Variants in TMED9 observed in about 807,000 individuals in gnomAD.
TMED9 encodes transmembrane p24 trafficking protein 9.
TMED9 carries 22 observed loss-of-function variants against 30.6 expected under a neutral mutation model. The ratio of observed to expected loss-of-function variants is 0.72; its 90% CI spans 0.51 to 1.03. TMED9 has a LOEUF of 1.03. Ranked by LOEUF, TMED9 falls within the 50% of genes least tolerant of loss-of-function variation. TMED9 has a pLI of 0.00. For missense variants in TMED9, 251 were observed against 302.1 expected, an observed-to-expected ratio of 0.83 and a Z score of 1.25; for synonymous variants, 146 against 122.8, an observed-to-expected ratio of 1.19 and a Z score of -1.25.
Position 177,595,590 on chromosome 5 carries a change from T to C in TMED9, c.*174T>C. On this transcript the variant is annotated 3_prime_UTR_variant, in exon 5 of 5. Transcript: ENST00000332598. Reference sequence around the variant, plus strand: ...AGCAGCTTGGCTAATACTGAGCAGGTAGTGGGGCAAATTCCTGCCCTCTCT... The same window carrying C: ...AGCAGCTTGGCTAATACTGAGCAGGCAGTGGGGCAAATTCCTGCCCTCTCT... 4.4e-6 allele frequency: 3 copies of C among 676,256 alleles called. No individual in the cohort carries two copies. The highest frequency in any genetic ancestry group is 6.9e-6 in the Non-Finnish European group (3 of 431,828). The allele number at this position is 676,256 out of a possible 1,614,324, so 41.9% of individuals were successfully genotyped here.
At chr5:177,592,880 G>C (rs1767616868) in intron 2 of TMED9, among the ~76,000 whole-genome samples, 1 of 152,148 alleles carries the variant, frequency 6.6e-6, no homozygotes, top group African/African-American at 2.4e-5. Flanking sequence ...AACTCTTAAA[G>C]TCATCTAGAC....
intron 4 of TMED9, 138 bp from the exon 5 acceptor site, chr5:177,595,129 C>A: frequency 1.1e-6 from 1 of 882,280 alleles, no homozygotes; most frequent in Non-Finnish European, 1.7e-6. Context: ...TAAAGATAGT[C>A]CCCAGGTAGA....
At chr5:177,593,576 A>G in intron 2 of TMED9, 74 bp from the exon 3 acceptor site, 1 of 1,585,102 alleles carries the variant, frequency 6.3e-7, no homozygotes, top group Non-Finnish European at 8.6e-7. Context: ...TGCAGTACTT[A>G]GAGCCTTAAG....
At position 177,596,735 on chromosome 5, in the gene TMED9, T is replaced by A. The variant is rs1767697300; in HGVS notation, c.*1319T>A. Among the ~76,000 whole-genome samples the A allele has an allele frequency of 6.6e-6, 1 of 152,152 alleles. No homozygotes were observed. Among genetic ancestry groups the A allele is most frequent in the African/African-American group, 2.4e-5 (1 of 41,448 alleles). On this transcript the variant is annotated 3_prime_UTR_variant, in exon 5 of 5. Transcript: ENST00000332598. ...GACATGCCCACCTTTCAAGAGGGGC[T>A]GCAGGCACCCACAGGCACAAGCTGA...
intron 3 of TMED9, 182 bp downstream of exon 3, chr5:177,593,957 C>T: frequency 8.4e-7 from 1 of 1,183,588 alleles, no homozygotes; most frequent in Admixed American, 2.3e-5. Flanking sequence ...TCACTCAGAG[C>T]ACCAGCCCAG....
chr5:177,592,401 G>A lies in TMED9; in HGVS notation c.184+3G>A, dbSNP rs779130560. The A allele has an allele frequency of 1.5e-5, 24 of 1,593,014 alleles. No individual in the cohort carries two copies. In the Admixed American group the frequency reaches 3.5e-4, roughly 24 times the overall value. On this transcript the variant is annotated splice_donor_region_variant and intron_variant, in intron 1 of 4. Transcript: ENST00000332598. ...CCCGGACGAGACCATGGTCATAGGT[G>A]CGGGGGCGGGGAGGAAGGGGCGAGT...
chr5:177,592,713 A>G, intron 2 of TMED9, 38 bp downstream of exon 2: 1 of 1,485,490 alleles, frequency 6.7e-7, no homozygotes, highest in Non-Finnish European at 9.3e-7. Flanking sequence ...CCAGCCTCTC[A>G]GCTAGGCGGG....
chr5:177,592,537 G>A (rs1767607429), intron 1 of TMED9, 38 bp from the exon 2 acceptor site: 3 of 1,589,462 alleles, frequency 1.9e-6, no homozygotes, highest in Non-Finnish European at 2.6e-6. Flanking sequence ...ATGCCACCTC[G>A]CGCTCCTCTG....
chr5:177,593,576 A>C, intron 2 of TMED9, 74 bp from the exon 3 acceptor site: 9 of 1,585,074 alleles, frequency 5.7e-6, no homozygotes, highest in African/African-American at 1.3e-5. Context: ...TGCAGTACTT[A>C]GAGCCTTAAG....
chr5:177,592,211 C>G lies in TMED9; in HGVS notation c.-4C>G. On this transcript the variant is annotated 5_prime_UTR_variant, in exon 1 of 5. Coordinates refer to ENST00000332598, the MANE Select transcript of TMED9 (RefSeq NM_017510.6). Reference sequence around the variant, plus strand: ...GCTGCGGCTGCGCAGGCAGGTGGAGCAAGATGGCTGTGGAGCTGGGCGTGC... The same window carrying G: ...GCTGCGGCTGCGCAGGCAGGTGGAGGAAGATGGCTGTGGAGCTGGGCGTGC... 1.3e-6 allele frequency: 2 copies of G among 1,594,540 alleles called. No individual in the cohort carries two copies. The highest frequency in any genetic ancestry group is 2.2e-5 in the South Asian group (2 of 88,962).
Position 177,592,691 on chromosome 5 carries a change from C to T in TMED9, c.285+16C>T, listed in dbSNP as rs571617537. The T allele has an allele frequency of 1.2e-5, 18 of 1,555,002 alleles. No homozygotes were observed. The highest frequency in any genetic ancestry group is 2.7e-5 in the African/African-American group (2 of 73,498). On this transcript the variant is annotated intron_variant, in intron 2 of 4. Coordinates refer to ENST00000332598, the MANE Select transcript of TMED9 (RefSeq NM_017510.6). ...AGAGGACAAGGTGAGCCAACCGCCC[C>T]CCTCCTCTCCGCCAGCCTCTCAGCT...
intron 2 of TMED9, 28 bp from the exon 3 acceptor site, chr5:177,593,612 TACCATAATAC>T (rs1767632415): frequency 6.2e-7 from 1 of 1,612,674 alleles, no homozygotes; most frequent in Non-Finnish European, 8.5e-7. Flanking sequence ...TTCCCATCCC[TACCATAATAC>T]TGACTGAAGC....
chr5:177,593,405 C>A, intron 2 of TMED9: 4 of 469,188 alleles, frequency 8.5e-6, no homozygotes, highest in Non-Finnish European at 1.5e-5. Context: ...TAAAGGAAAG[C>A]CCTTCCCAAG....
At position 177,592,292 on chromosome 5, in the gene TMED9, G is replaced by A. The variant is rs781771660; in HGVS notation, c.78G>A (p.Leu26=). The A allele has an allele frequency of 1.9e-6, 3 of 1,611,834 alleles. No individual in the cohort carries two copies. The highest frequency in any genetic ancestry group is 3.3e-5 in the Admixed American group (2 of 59,768). The change falls in exon 1 of 5, where the codon CTG becomes CTA. Residue 26 remains leucine, a synonymous_variant. Transcript: ENST00000332598. ...TGGGTAGAGTGATGCGGACCCTCCT[G>A]CTGGTGCTGTGGCTGGCGACGCGCG... ...TGLGRVMRTL[L]LVLWLATRGS...
Position 177,597,126 on chromosome 5 carries a change from T to C in TMED9, c.*1710T>C, listed in dbSNP as rs1398381485. On this transcript the variant is annotated 3_prime_UTR_variant, in exon 5 of 5. Transcript: ENST00000332598. ...TTCTTCCACATGAAAAAAAAAAGTT[T>C]TTTGGCGGGCACGGTGGTTCACACC... 6.6e-6 allele frequency among the ~76,000 whole-genome samples: 1 copy of C among 151,962 alleles called. No individual in the cohort carries two copies. Among genetic ancestry groups the C allele is most frequent in the Non-Finnish European group, 1.5e-5 (1 of 67,970 alleles).
Position 177,592,394 on chromosome 5 carries a change from C to A in TMED9, c.180C>A (p.Val60=). The A allele has an allele frequency of 6.3e-7, 1 of 1,597,688 alleles. No individual in the cohort carries two copies. The highest frequency in any genetic ancestry group is 1.1e-5 in the South Asian group (1 of 88,644). The change falls in exon 1 of 5, where the codon GTC becomes GTA. Residue 60 remains valine, a synonymous_variant. Coordinates refer to ENST00000332598, the MANE Select transcript of TMED9 (RefSeq NM_017510.6). ...FIEEIPDETM[V]IGNYRTQLYD... is the part of the protein sequence containing the mutation. ...AGGAGATCCCGGACGAGACCATGGTCATAGGTGCGGGGGCGGGGAGGAAGG... is the reference window on the plus strand; with the variant it reads ...AGGAGATCCCGGACGAGACCATGGTAATAGGTGCGGGGGCGGGGAGGAAGG...
chr5:177,596,745 C>T lies in TMED9; in HGVS notation c.*1329C>T, dbSNP rs1220118028. ...CCTTTCAAGAGGGGCTGCAGGCACCCACAGGCACAAGCTGAAGGCAGCAGC... is the reference window on the plus strand; with the variant it reads ...CCTTTCAAGAGGGGCTGCAGGCACCTACAGGCACAAGCTGAAGGCAGCAGC... On this transcript the variant is annotated 3_prime_UTR_variant, in exon 5 of 5. Coordinates refer to ENST00000332598, the MANE Select transcript of TMED9 (RefSeq NM_017510.6). 1.3e-5 allele frequency among the ~76,000 whole-genome samples: 2 copies of T among 152,266 alleles called. No individual in the cohort carries two copies. The highest frequency in any genetic ancestry group is 1.9e-4 in the East Asian group (1 of 5,178).
chr5:177,595,308 C>T lies in TMED9; in HGVS notation c.600C>T (p.Asn200=). The change falls in exon 5 of 5, where the codon AAC becomes AAT. Residue 200 remains asparagine, a synonymous_variant. Coordinates refer to ENST00000332598, the MANE Select transcript of TMED9 (RefSeq NM_017510.6). ...ERFRQTSEST[N]QRVLWWSILQ... ...TCCGGCAGACCAGTGAGAGCACCAA[C>T]CAGCGGGTGCTGTGGTGGTCCATTC... 1 of 1,608,576 alleles carries T rather than the reference C, an allele frequency of 6.2e-7. No individual in the cohort carries two copies. Among genetic ancestry groups the T allele is most frequent in the Non-Finnish European group, 8.5e-7 (1 of 1,176,098 alleles).
In TMED9 at chr5:177,592,681, C is replaced by G. The variant is rs770714830; in HGVS notation, c.285+6C>G. On this transcript the variant is annotated splice_donor_region_variant and intron_variant, in intron 2 of 4. Transcript: ENST00000332598. ...TGAAGGACCCAGAGGACAAGGTGAG[C>G]CAACCGCCCCCCTCCTCTCCGCCAG... The G allele has an allele frequency of 6.3e-7, 1 of 1,584,370 alleles. No individual in the cohort carries two copies. The highest frequency in any genetic ancestry group is 2.3e-5 in the East Asian group (1 of 43,402).
Sources: allele counts gnomAD v4.1 joint callset (sites outside exome capture counted in the v4.1 genomes callset), GRCh38; gene constraint gnomAD v4.1.1; transcripts MANE v1.5; gene names NCBI Gene and HGNC (gene_info 2026-07-23, HGNC 2026-07-21).